CEP85L: variants seen among roughly 807,000 people sequenced by gnomAD.
CEP85L encodes the protein centrosomal protein of 85 kDa-like.
CEP85L carries 60 observed loss-of-function variants against 100.3 expected under a neutral mutation model. The observed-to-expected ratio is 0.60, with a 90% confidence interval of 0.49 to 0.74. CEP85L has a LOEUF of 0.74. Ranked by LOEUF, CEP85L falls within the 30% of genes least tolerant of loss-of-function variation. The probability of loss-of-function intolerance (pLI) is 0.00; values close to 1 mark genes in which losing one functional copy is unlikely to be tolerated. For missense variants in CEP85L, 973 were observed against 936.2 expected, an observed-to-expected ratio of 1.04 and a Z score of -0.51; for synonymous variants, 319 against 322.7, an observed-to-expected ratio of 0.99 and a Z score of 0.12.
At chr6:118,638,982 GAAAATA>G (rs1774693415) in intron 1 of CEP85L, among the ~76,000 whole-genome samples, 1 of 151,964 alleles carries the variant, frequency 6.6e-6, no homozygotes, top group African/African-American at 2.4e-5. Flanking sequence ...CTAAATTGAA[GAAAATA>G]AAAATAACAC....
At chr6:118,534,774 T>C (rs1777491469) in intron 3 of CEP85L, among the ~76,000 whole-genome samples, 1 of 151,988 alleles carries the variant, frequency 6.6e-6, no homozygotes, top group Non-Finnish European at 1.5e-5. Flanking sequence ...AATCCCAGCA[T>C]TTTGAGAGGC....
chr6:118,602,367 T>C (rs1221391302), intron 2 of CEP85L, among the ~76,000 whole-genome samples: 1 of 152,234 alleles, frequency 6.6e-6, no homozygotes, highest in Non-Finnish European at 1.5e-5. Context: ...GTAAAGTTAT[T>C]CCAAGTAAAC....
intron 2 of CEP85L, among the ~76,000 whole-genome samples, chr6:118,595,167 T>C (rs943214505): frequency 1.3e-5 from 2 of 152,174 alleles, no homozygotes; most frequent in Middle Eastern, 3.2e-3. Flanking sequence ...GTGGCAACAG[T>C]AGCTATTTAA....
intron 2 of CEP85L, among the ~76,000 whole-genome samples, chr6:118,575,793 T>C (rs1047483248): frequency 6.6e-6 from 1 of 152,110 alleles, no homozygotes; most frequent in African/African-American, 2.4e-5. Context: ...TAGTGGATAG[T>C]TGCATAGTGT....
At chr6:118,655,502 G>A (rs898494815), upstream of CEP85L, among the ~76,000 whole-genome samples, 9 of 152,188 alleles carry the variant, frequency 5.9e-5, no homozygotes, top group African/African-American at 2.2e-4. Flanking sequence ...ACTTGTTTGG[G>A]ACAGCAACCT....
At chr6:118,676,299 T>A (rs1337234162) in intron 1 of CEP85L, among the ~76,000 whole-genome samples, 2 of 152,216 alleles carry the variant, frequency 1.3e-5, no homozygotes, top group African/African-American at 2.4e-5. Context: ...ACTGAAACTA[T>A]GTACCCTTTG....
chr6:118,686,055 C>T (rs1776818497), intron 1 of CEP85L, among the ~76,000 whole-genome samples: 1 of 152,098 alleles, frequency 6.6e-6, no homozygotes, highest in Non-Finnish European at 1.5e-5. Flanking sequence ...CACTGGGTGA[C>T]CATGAAAGGC....
At chr6:118,656,500 G>A (rs1775793789), upstream of CEP85L, among the ~76,000 whole-genome samples, 1 of 152,204 alleles carries the variant, frequency 6.6e-6, no homozygotes, top group Non-Finnish European at 1.5e-5. Flanking sequence ...TCTGTGAGGT[G>A]ACCTTGGAGT....
chr6:118,604,551 C>A (rs1057370831), intron 2 of CEP85L, among the ~76,000 whole-genome samples: 9 of 152,324 alleles, frequency 5.9e-5, no homozygotes, highest in Admixed American at 5.9e-4. Flanking sequence ...AGAACTGTTT[C>A]TTCAATAGTC....
chr6:118,619,607 C>T (rs3862828), intron 2 of CEP85L, among the ~76,000 whole-genome samples: 102,768 of 151,978 alleles, frequency 0.68, 35,452 homozygotes, highest in Middle Eastern at 0.74. Flanking sequence ...GCGAACCAGG[C>T]GCCCAAACTA....
chr6:118,557,118 G>C (rs1364076902), intron 3 of CEP85L, among the ~76,000 whole-genome samples: 1 of 152,072 alleles, frequency 6.6e-6, no homozygotes, highest in Non-Finnish European at 1.5e-5. Context: ...TTATTAAAAT[G>C]TTACTTAAGA....
chr6:118,484,328 C>T (rs1487720292), intron 6 of CEP85L, among the ~76,000 whole-genome samples: 1 of 151,960 alleles, frequency 6.6e-6, no homozygotes, highest in Non-Finnish European at 1.5e-5. Flanking sequence ...TTTAAACAAA[C>T]AAACAAAAAA....
At chr6:118,509,926 T>C (rs978981661) in intron 5 of CEP85L, among the ~76,000 whole-genome samples, 3 of 152,112 alleles carry the variant, frequency 2.0e-5, no homozygotes, top group East Asian at 1.9e-4. Flanking sequence ...ACGGGCCTCA[T>C]AGACTCTATA....
rs187992781 is a variant in CEP85L at position 118,555,202 on chromosome 6, C to T, written c.1020+10327G>A. On this transcript the variant is annotated intron_variant, in intron 3 of 12. Coordinates refer to ENST00000368491, the MANE Select transcript of CEP85L (RefSeq NM_001042475.3). Reference sequence around the variant, plus strand: ...ATCCCAGCACTTTGGGAGGCCGAGGCGGGTGGATCACGAGGTCGGGAGATC... The same window carrying T: ...ATCCCAGCACTTTGGGAGGCCGAGGTGGGTGGATCACGAGGTCGGGAGATC... Among the ~76,000 whole-genome samples the T allele has an allele frequency of 2.3e-3, 350 of 152,172 alleles. 2 individuals are homozygous for T. The highest frequency in any genetic ancestry group is 8.2e-3 in the African/African-American group (342 of 41,534).
intron 1 of CEP85L, among the ~76,000 whole-genome samples, chr6:118,709,556 T>TGTGTGTGTGTGTGTGTGAGA (rs751698371): frequency 1.4e-4 from 20 of 142,320 alleles, no homozygotes; most frequent in African/African-American, 4.2e-4. Context: ...TGTGTGTGTG[T>TGTGTGTGTGTGTGTGTGAGA]GAGAGAGAGA....
chr6:118,652,501 A>G, upstream of CEP85L: 1 of 1,359,934 alleles, frequency 7.4e-7, no homozygotes, highest in Non-Finnish European at 9.5e-7. Context: ...CGGGCTCTGC[A>G]GTAGGCCCAT....
intron 2 of CEP85L, among the ~76,000 whole-genome samples, chr6:118,618,069 T>C (rs1773185893): frequency 6.6e-6 from 1 of 152,156 alleles, no homozygotes; most frequent in South Asian, 2.1e-4. Context: ...GTCTTTCACT[T>C]TCTGTAGTGG....
At chr6:118,705,247 A>AGG (rs1382749938) in intron 1 of CEP85L, among the ~76,000 whole-genome samples, 8 of 152,198 alleles carry the variant, frequency 5.3e-5, no homozygotes, top group African/African-American at 1.9e-4. Flanking sequence ...CATGCAGCAG[A>AGG]GATGCATACC....
intron 1 of CEP85L, among the ~76,000 whole-genome samples, chr6:118,647,785 A>G (rs1366147354): frequency 6.6e-6 from 1 of 152,240 alleles, no homozygotes; most frequent in Non-Finnish European, 1.5e-5. Flanking sequence ...AAATATGTCT[A>G]TCCTTCATCC....
Sources: allele counts gnomAD v4.1 joint callset (sites outside exome capture counted in the v4.1 genomes callset), GRCh38; gene constraint gnomAD v4.1.1; transcripts MANE v1.5; gene names NCBI Gene and HGNC (gene_info 2026-07-23, HGNC 2026-07-21).